The following GALNT3 variants were observed in gnomAD, a reference collection of about 807,000 sequenced individuals.
The protein encoded by GALNT3 is polypeptide N-acetylgalactosaminyltransferase 3, also known as GalNAc transferase 3.
Under a neutral mutation model 69.8 loss-of-function variants are expected in GALNT3, and 51 were observed. That is an observed-to-expected ratio of 0.73 (90% CI 0.58 to 0.92). The LOEUF is 0.92. GALNT3 is among the 40% of genes least tolerant of loss of function. The pLI is 0.00. For synonymous variants in GALNT3, 265 were observed against 248.5 expected (o/e 1.07, Z -0.63); for missense variants, 711 against 760.0 (o/e 0.94, Z 0.76).
intron 3 of GALNT3, among the ~76,000 whole-genome samples, chr2:165,762,430 A>G (rs560621156): frequency 4.9e-4 from 75 of 152,356 alleles, no homozygotes; most frequent in African/African-American, 1.8e-3. Flanking sequence ...GGCCAAAAAG[A>G]TATTCAATGC....
intron 1 of GALNT3, among the ~76,000 whole-genome samples, chr2:165,788,573 G>C (rs930954059): frequency 1.3e-5 from 2 of 150,636 alleles, no homozygotes; most frequent in Non-Finnish European, 3.0e-5. Context: ...GTATACACAG[G>C]ACACCTCACC....
intron 2 of GALNT3, 69 bp from the exon 3 acceptor site, chr2:165,765,125 G>C: frequency 8.0e-7 from 1 of 1,254,434 alleles, no homozygotes; most frequent in Non-Finnish European, 1.2e-6. Context: ...CTATACCATT[G>C]CTAACATTAT....
intron 10 of GALNT3, 30 bp downstream of exon 10, chr2:165,749,704 AAAATAGTT>A: frequency 6.3e-7 from 1 of 1,588,494 alleles, no homozygotes; most frequent in Non-Finnish European, 8.6e-7. Context: ...AGAGCTAAGA[AAAATAGTT>A]AAATAGATGA....
rs758553983 is a variant in GALNT3, at chr2:165,759,395, G to C, written c.1014C>G (p.Gly338=). 1.2e-6 allele frequency: 2 copies of C among 1,614,032 alleles called. No individual in the cohort carries two copies. ...RGNFDWSLSF[G]WESLPDHEKQ... ...TCTCATGATCAGGAAGCGACTCCCA[G>C]CCAAATGAAAGACTCCAGTCAAAAT... Residue 338 remains glycine (G), a synonymous_variant, in exon 5 of 11, where the codon GGC becomes GGG. Coordinates refer to ENST00000392701, the MANE Select transcript of GALNT3 (RefSeq NM_004482.4).
chr2:165,791,271 G>A (rs554592922), intron 1 of GALNT3, among the ~76,000 whole-genome samples: 4 of 151,890 alleles, frequency 2.6e-5, no homozygotes, highest in Non-Finnish European at 5.9e-5. Context: ...GTGTGTGTGT[G>A]TGTGTGTGTA....
In GALNT3 at chr2:165,748,228, C is replaced by G. The variant is rs1688294231; in HGVS notation, c.*553G>C. ...AAATACTCTTCTCCTTATTCAGTTT[C>G]ATGTTTAAGGAAACATTTGACAGAC... On this transcript the variant is annotated 3_prime_UTR_variant, in exon 11 of 11. Coordinates refer to ENST00000392701, the MANE Select transcript of GALNT3 (RefSeq NM_004482.4). 5.0e-6 allele frequency: 1 copy of G among 202,014 alleles called. No individual in the cohort carries two copies. The highest frequency in any genetic ancestry group is 2.3e-5 in the African/African-American group (1 of 43,588). The allele number at this position is 202,014 out of a possible 1,614,324, so 12.5% of individuals were successfully genotyped here. A position where few individuals can be genotyped will look rare whatever the true frequency, so the allele number is the denominator to read the frequency against.
intron 2 of GALNT3, among the ~76,000 whole-genome samples, chr2:165,767,143 C>T (rs541592956): frequency 3.5e-4 from 53 of 151,918 alleles, no homozygotes; most frequent in African/African-American, 1.2e-3. Context: ...ACACTTGAAC[C>T]ACAACTACAC....
intron 1 of GALNT3, chr2:165,793,805 T>A (rs1437582492): frequency 6.6e-6 from 1 of 152,314 alleles, no homozygotes. Flanking sequence ...GTGACCGGGC[T>A]CCCCCCCGAG....
chr2:165,750,483 G>A (rs11686403), intron 9 of GALNT3, among the ~76,000 whole-genome samples: 10 of 151,812 alleles, frequency 6.6e-5, no homozygotes, highest in African/African-American at 2.2e-4. Flanking sequence ...CAAGTAATTC[G>A]TCCCTTAGCT....
chr2:165,767,262 T>C (rs1688659879), intron 2 of GALNT3, among the ~76,000 whole-genome samples: 1 of 151,996 alleles, frequency 6.6e-6, no homozygotes, highest in Non-Finnish European at 1.5e-5. Context: ...GTATTTTATT[T>C]TTAAAGAAAA....
At position 165,775,537 on chromosome 2, in the gene GALNT3, G is replaced by A. The variant is rs114551510; in HGVS notation, c.-108-4729C>T. On this transcript the variant is annotated intron_variant, in intron 1 of 10. Coordinates refer to ENST00000392701, the MANE Select transcript of GALNT3 (RefSeq NM_004482.4). ...CACTTAAAGATTCCAACATTGATGG[G>A]ATTTTCATTATGACTTTTCTGTACT... 5.8e-3 allele frequency among the ~76,000 whole-genome samples: 887 copies of A among 152,182 alleles called. 6 individuals carry two copies. The highest frequency in any genetic ancestry group is 0.021 in the African/African-American group (857 of 41,528).
intron 1 of GALNT3, among the ~76,000 whole-genome samples, chr2:165,791,498 T>C (rs929787164): frequency 2.6e-5 from 4 of 152,140 alleles, no homozygotes; most frequent in Non-Finnish European, 5.9e-5. Context: ...ATAAAACTTG[T>C]TTCATTTATA....
intron 2 of GALNT3, among the ~76,000 whole-genome samples, chr2:165,765,497 A>T (rs972183268): frequency 6.7e-5 from 10 of 148,180 alleles, no homozygotes; most frequent in African/African-American, 1.7e-4. Context: ...CACTTTATTA[A>T]TTTTTTTTTT....
At chr2:165,767,028 C>T (rs2105415641) in intron 2 of GALNT3, among the ~76,000 whole-genome samples, 1 of 152,270 alleles carries the variant, frequency 6.6e-6, no homozygotes, top group South Asian at 2.1e-4. Flanking sequence ...AAAAAATAAG[C>T]ACCTTCTTCA....
Position 165,749,830 on chromosome 2 carries a change from G to C in GALNT3, c.1691C>G (p.Ala564Gly), listed in dbSNP as rs377579661. Residue 564 changes from alanine (A) to glycine (G), a missense_variant, in exon 10 of 11, where the codon GCT becomes GGT. Coordinates refer to ENST00000392701, the MANE Select transcript of GALNT3 (RefSeq NM_004482.4). ...HNIQKELCLH[A>G]AQGLVQLKAC... ...CTTCAGCTGAACGAGACCTTGAGCA[G>C]CATGAAGACATAATTCCTTCTGGAT... 2.5e-5 allele frequency: 40 copies of C among 1,613,460 alleles called. No homozygotes were observed. The highest frequency in any genetic ancestry group is 3.4e-5 in the Non-Finnish European group (40 of 1,179,578).
In GALNT3 at chr2:165,763,394, G is replaced by A. The variant is rs145320195; in HGVS notation, c.689-1340C>T. Among the ~76,000 whole-genome samples the A allele has an allele frequency of 5.3e-3, 801 of 152,196 alleles. 7 individuals are homozygous for A. Among genetic ancestry groups the A allele is most frequent in the African/African-American group, 0.019 (778 of 41,512 alleles). On this transcript the variant is annotated intron_variant, in intron 3 of 10. Transcript: ENST00000392701. ...TTATTTAAAGCTTAAACATTCATAA[G>A]AGAGGAAAGTGCAGGAACAACCCTT...
intron 9 of GALNT3, among the ~76,000 whole-genome samples, chr2:165,753,294 T>C (rs1688385130): frequency 6.6e-6 from 1 of 152,146 alleles, no homozygotes; most frequent in Admixed American, 6.6e-5. Flanking sequence ...CCAAAATACC[T>C]GCAATGCCCA....
At position 165,780,646 on chromosome 2, in the gene GALNT3, TTTGTTGTTG is replaced by T. The variant is rs534952025; in HGVS notation, c.-108-9847_-108-9839del. On this transcript the variant is annotated intron_variant, in intron 1 of 10. Coordinates refer to ENST00000392701, the MANE Select transcript of GALNT3 (RefSeq NM_004482.4). ...CTGCAAATCAGGTTTGAGGGGTTTT[TTTGTTGTTG>T]TTGTTGTTGTTGTTGTTGTTGTTTT... 3.1e-3 allele frequency among the ~76,000 whole-genome samples: 318 copies of T among 101,766 alleles called. 5 individuals carry two copies. Among genetic ancestry groups the T allele is most frequent in the Admixed American group, 7.2e-3 (71 of 9,888 alleles). 66.8% of individuals were successfully genotyped at this position (101,766 alleles called of 152,430 possible).
chr2:165,770,075 C>A, intron 2 of GALNT3, 111 bp downstream of exon 2: 3 of 1,205,320 alleles, frequency 2.5e-6, no homozygotes. Context: ...ACAGTATTTG[C>A]TGATTTTCTG....
Sources: allele counts gnomAD v4.1 joint callset (sites outside exome capture counted in the v4.1 genomes callset), GRCh38; gene constraint gnomAD v4.1.1; transcripts MANE v1.5; gene names NCBI Gene and HGNC (gene_info 2026-07-23, HGNC 2026-07-21).